The following EXPH5 variants were observed in gnomAD, a reference collection of about 807,000 sequenced individuals.
EXPH5 encodes the protein exophilin-5.
Under a neutral mutation model 41.1 loss-of-function variants are expected in EXPH5, and 42 were observed. The observed-to-expected ratio is 1.02, with a 90% CI of 0.80 to 1.32. EXPH5 has a LOEUF of 1.32. Ranked by LOEUF, EXPH5 falls within the 40% of genes most tolerant of loss-of-function variation. EXPH5 has a pLI of 0.00. For synonymous variants in EXPH5, 798 were observed against 833.5 expected (o/e 0.96, Z 0.73); for missense variants, 2,298 against 2,314.5 (o/e 0.99, Z 0.15).
rs776084893 is a variant in EXPH5, at chr11:108,510,059, C to T, written c.5448G>A (p.Arg1816=). 11 of 1,611,338 alleles carry T rather than the reference C, an allele frequency of 6.8e-6. No homozygotes were observed. Among genetic ancestry groups the T allele is most frequent in the South Asian group, 1.1e-5 (1 of 90,524 alleles). The stretch of plus-strand genomic sequence containing the variant: ...AAGTGCTTTCAGAAAAATGGCGCTC[C>T]CTGACTTTTGGAGGATGGCTTTTTC... The part of the protein sequence containing the change: ...LLRKSHPPKV[R]ERHFSESTSI... Residue 1816 remains arginine, a synonymous_variant, in exon 6 of 6, where the codon AGG becomes AGA. Transcript: ENST00000265843.
chr11:108,532,470 C>T (rs2093849934), intron 3 of EXPH5, among the ~76,000 whole-genome samples: 1 of 142,680 alleles, frequency 7.0e-6, no homozygotes, highest in South Asian at 2.3e-4. Context: ...CTGCCTTGAC[C>T]TCCTAAAGTG....
chr11:108,524,839 A>G (rs1242706402), intron 4 of EXPH5, among the ~76,000 whole-genome samples: 1 of 152,086 alleles, frequency 6.6e-6, no homozygotes, highest in Non-Finnish European at 1.5e-5. Context: ...CCACTCATTC[A>G]TTTCTTCTTT....
At chr11:108,584,824 G>A (rs1488738230) in intron 1 of EXPH5, among the ~76,000 whole-genome samples, 1 of 152,154 alleles carries the variant, frequency 6.6e-6, no homozygotes, top group African/African-American at 2.4e-5. Context: ...AGGAGAAAAT[G>A]TTTGTAATCT....
At chr11:108,554,089 G>A (rs143958329) in intron 1 of EXPH5, among the ~76,000 whole-genome samples, 3,311 of 150,250 alleles carry the variant, frequency 0.022, 122 homozygotes, top group African/African-American at 0.077. Flanking sequence ...TTGGTGACAG[G>A]GTCTTGCTCT....
In EXPH5 at chr11:108,568,500, G is replaced by C. The variant is rs980896262; in HGVS notation, c.119+24918C>G. 1.3e-5 allele frequency among the ~76,000 whole-genome samples: 2 copies of C among 152,050 alleles called. 1 individual carries two copies. The highest frequency in any genetic ancestry group is 4.8e-5 in the African/African-American group (2 of 41,384). The stretch of plus-strand genomic sequence containing the variant: ...TGGCCAGAATTCTGCTTTGAAATCT[G>C]TCCACACCTCCCCCCAACCCCCAGT... On this transcript the variant is annotated intron_variant, in intron 1 of 5. Coordinates refer to ENST00000265843, the MANE Select transcript of EXPH5 (RefSeq NM_015065.3).
At chr11:108,536,870 G>T (rs1340442210) in intron 3 of EXPH5, among the ~76,000 whole-genome samples, 1 of 152,142 alleles carries the variant, frequency 6.6e-6, no homozygotes, top group Non-Finnish European at 1.5e-5. Flanking sequence ...ATTTGCAAAA[G>T]ATCCTCTAAA....
At chr11:108,530,984 G>T (rs1041488554) in intron 3 of EXPH5, among the ~76,000 whole-genome samples, 3 of 152,164 alleles carry the variant, frequency 2.0e-5, no homozygotes, top group Non-Finnish European at 4.4e-5. Flanking sequence ...TCCACTTAGA[G>T]AGTGAATAAA....
Position 108,514,120 on chromosome 11 carries a change from T to C in EXPH5, c.1387A>G (p.Ser463Gly). 2 of 1,613,706 alleles carry C rather than the reference T, an allele frequency of 1.2e-6. No individual in the cohort carries two copies. Among genetic ancestry groups the C allele is most frequent in the Non-Finnish European group, 1.7e-6 (2 of 1,179,850 alleles). The change falls in exon 6 of 6, where the codon AGC (serine) becomes GGC (glycine). Residue 463 changes from serine to glycine, a missense_variant. Transcript: ENST00000265843. Reference sequence around the variant, plus strand: ...TCTCCGCTTCGTCCAAAGGTATTGCTGAAGAAAGATCTGGTAAATGTGTTG... The same window carrying C: ...TCTCCGCTTCGTCCAAAGGTATTGCCGAAGAAAGATCTGGTAAATGTGTTG... ...QSNTFTRSFF[S>G]NTFGRSGEQR...
intron 3 of EXPH5, among the ~76,000 whole-genome samples, chr11:108,534,041 C>T (rs1318309909): frequency 2.6e-5 from 4 of 152,046 alleles, no homozygotes; most frequent in South Asian, 2.1e-4. Context: ...GTGAGTCTCC[C>T]GCCTCAGCCT....
At chr11:108,600,354 T>G in the EXPH5 span, among the ~76,000 whole-genome samples, 1 of 152,250 alleles carries the variant, frequency 6.6e-6, no homozygotes. Flanking sequence ...ACCTGAAGTT[T>G]CTTTTTATCT....
chr11:108,593,622 A>G lies in EXPH5; in HGVS notation c.-86T>C. 3 of 1,607,142 alleles carry G rather than the reference A, an allele frequency of 1.9e-6. No homozygotes were observed. Among genetic ancestry groups the G allele is most frequent in the Non-Finnish European group, 1.7e-6 (2 of 1,176,302 alleles). On this transcript the variant is annotated 5_prime_UTR_variant, in exon 1 of 6. Coordinates refer to ENST00000265843, the MANE Select transcript of EXPH5 (RefSeq NM_015065.3). ...TTTCAACCTGTACAAGACCAGTTTC[A>G]CGAACTTGATCCCACAGCCAATAAT...
Position 108,512,936 on chromosome 11 carries a change from T to C in EXPH5, c.2571A>G (p.Gln857=). The C allele has an allele frequency of 6.2e-7, 1 of 1,613,254 alleles. No homozygotes were observed. The change falls in exon 6 of 6, where the codon CAA becomes CAG. Residue 857 remains glutamine, a synonymous_variant. Transcript: ENST00000265843. Reference sequence around the variant, plus strand: ...ACTTGCATTTTGAGTATTGTGCATTTTGAGTATCAGTCAGTGCAGAGCTCC... The same window carrying C: ...ACTTGCATTTTGAGTATTGTGCATTCTGAGTATCAGTCAGTGCAGAGCTCC... ...NHWSSALTDT[Q]NAQYSKCKLT...
intron 3 of EXPH5, among the ~76,000 whole-genome samples, chr11:108,536,422 T>C (rs1591708767): frequency 6.6e-6 from 1 of 152,038 alleles, no homozygotes; most frequent in South Asian, 2.1e-4. Flanking sequence ...CGCACCACCA[T>C]GTCCAGATAA....
intron 3 of EXPH5, among the ~76,000 whole-genome samples, chr11:108,536,892 A>G (rs1423626249): frequency 1.3e-5 from 2 of 152,092 alleles, no homozygotes; most frequent in East Asian, 3.9e-4. Flanking sequence ...TGCTTTACTG[A>G]TTTGTTTTCC....
Position 108,541,930 on chromosome 11 carries a change from T to G in EXPH5, c.120-118A>C, listed in dbSNP as rs527990521. 2.6e-5 allele frequency: 20 copies of G among 762,036 alleles called. No individual in the cohort carries two copies. The South Asian group carries it at 3.0e-4, about 11-fold the overall frequency. The allele number at this position is 762,036 out of a possible 1,614,324, so 47.2% of individuals were successfully genotyped here. Reference sequence around the variant, plus strand: ...GTCTCATTCTGTCACCAGGCTGGAGTGCAGTGGCACAACCTCGTCTCACTG... The same window carrying G: ...GTCTCATTCTGTCACCAGGCTGGAGGGCAGTGGCACAACCTCGTCTCACTG... On this transcript the variant is annotated intron_variant, in intron 1 of 5. Coordinates refer to ENST00000265843, the MANE Select transcript of EXPH5 (RefSeq NM_015065.3).
Position 108,593,532 on chromosome 11 carries a change from G to A in EXPH5, c.5C>T (p.Thr2Met). The A allele has an allele frequency of 6.2e-7, 1 of 1,614,102 alleles. No homozygotes were observed. Residue 2 changes from threonine to methionine, a missense_variant, in exon 1 of 6, where the codon ACG becomes ATG. Coordinates refer to ENST00000265843, the MANE Select transcript of EXPH5 (RefSeq NM_015065.3). ...GAAATCAAACGCCGGAGGAACTTTC[G>A]TCATTTTCTTTACTGTGTGTGAGTT... is the stretch of plus-strand genomic sequence containing the variant. M[T>M]KVPPAFDFSF...
Position 108,505,976 on chromosome 11 carries a change from G to A in EXPH5, c.*3561C>T, listed in dbSNP as rs1036595878. On this transcript the variant is annotated 3_prime_UTR_variant, in exon 6 of 6. Transcript: ENST00000265843. ...CAATGTAGGAGTAAATTATTTAGAG[G>A]GGAGTCTCTAAAAATTAAAATAACT... is the stretch of plus-strand genomic sequence containing the variant. 7 of 152,058 alleles carry A rather than the reference G, an allele frequency of 4.6e-5. No homozygotes were observed. The highest frequency in any genetic ancestry group is 1.7e-4 in the African/African-American group (7 of 41,496). 9.4% of individuals were successfully genotyped at this position (152,058 alleles called of 1,614,324 possible).
At chr11:108,592,872 C>G (rs2094130799) in intron 1 of EXPH5, among the ~76,000 whole-genome samples, 1 of 152,256 alleles carries the variant, frequency 6.6e-6, no homozygotes, top group Admixed American at 6.5e-5. Flanking sequence ...GGGGACCTTT[C>G]GCCTCCCGTG....
chr11:108,515,592 C>G (rs894768503), intron 5 of EXPH5, among the ~76,000 whole-genome samples: 5 of 152,110 alleles, frequency 3.3e-5, no homozygotes, highest in Admixed American at 6.5e-5. Flanking sequence ...TATATTAACT[C>G]ACTAAGTCGT....
Sources: allele counts gnomAD v4.1 joint callset (sites outside exome capture counted in the v4.1 genomes callset), GRCh38; gene constraint gnomAD v4.1.1; transcripts MANE v1.5; gene names NCBI Gene and HGNC (gene_info 2026-07-23, HGNC 2026-07-21).